Variants in ATG7 observed in about 807,000 individuals in gnomAD.
ATG7 encodes the protein ubiquitin-like modifier-activating enzyme ATG7.
Under a neutral mutation model 82.4 loss-of-function variants are expected in ATG7, and 70 were observed. The observed-to-expected ratio is 0.85, with a 90% CI of 0.70 to 1.04. ATG7 has a LOEUF of 1.04. Among genes scored for constraint, ATG7 ranks in the 50% least tolerant of loss-of-function variants. ATG7 has a pLI of 0.00. For missense variants in ATG7, 792 were observed against 864.3 expected (o/e 0.92, Z 1.05); for synonymous variants, 287 against 313.0 (o/e 0.92, Z 0.88).
At chr3:11,338,975 A>T (rs1953001977) in intron 11 of ATG7, among the ~76,000 whole-genome samples, 1 of 152,160 alleles carries the variant, frequency 6.6e-6, no homozygotes, top group South Asian at 2.1e-4. Context: ...CTTGATAGAA[A>T]TTCAAAAGTA....
chr3:11,350,694 C>T (rs2152795158), intron 14 of ATG7, among the ~76,000 whole-genome samples: 1 of 152,130 alleles, frequency 6.6e-6, no homozygotes. Flanking sequence ...TGACATTAGT[C>T]AATGTACTCT....
At chr3:11,450,734 G>A (rs930177144) in intron 20 of ATG7, among the ~76,000 whole-genome samples, 1 of 152,204 alleles carries the variant, frequency 6.6e-6, no homozygotes, top group Non-Finnish European at 1.5e-5. Flanking sequence ...AGCTGCACAT[G>A]GGCCCTGCTA....
intron 19 of ATG7, among the ~76,000 whole-genome samples, chr3:11,402,760 T>C (rs1313693244): frequency 1.3e-5 from 2 of 152,192 alleles, no homozygotes; most frequent in South Asian, 2.1e-4. Context: ...CAGTGGTCTT[T>C]TTATATTAAT....
At chr3:11,527,063 G>A (rs1271285162) in intron 20 of ATG7, among the ~76,000 whole-genome samples, 2 of 104,376 alleles carry the variant, frequency 1.9e-5, no homozygotes, top group Non-Finnish European at 3.8e-5. Flanking sequence ...GTGTGTGTGT[G>A]TGTGTGTGTA....
intron 20 of ATG7, among the ~76,000 whole-genome samples, chr3:11,545,986 A>C (rs1450609592): frequency 1.3e-5 from 2 of 151,976 alleles, no homozygotes. Context: ...AAAATATAAA[A>C]AATTAGCTGG....
chr3:11,378,367 C>T (rs1264032095), intron 18 of ATG7, among the ~76,000 whole-genome samples: 2 of 150,790 alleles, frequency 1.3e-5, no homozygotes, highest in African/African-American at 2.4e-5. Flanking sequence ...TAATGCAATC[C>T]GAGATCAAGT....
At chr3:11,475,527 G>A (rs971744072) in intron 20 of ATG7, among the ~76,000 whole-genome samples, 3 of 152,054 alleles carry the variant, frequency 2.0e-5, no homozygotes, top group Non-Finnish European at 2.9e-5. Flanking sequence ...ATCCCAGGGC[G>A]GCCTGCATGT....
In ATG7 at chr3:11,362,903, G is replaced by GT. The variant is rs2076371498; in HGVS notation, c.1775dup (p.Ser593IlefsTer17). ...AGGAGCCCTGGCCGTGGAATTGATG[G>GT]TATCTGTTTTGCAGCATCCAGAAGG... On this transcript the variant is annotated frameshift_variant, in exon 17 of 21. Coordinates refer to ENST00000693202, the MANE Select transcript of ATG7 (RefSeq NM_001349232.2). LOFTEE classifies it high-confidence loss of function. 6.2e-7 allele frequency: 1 copy of GT among 1,613,972 alleles called. No homozygotes were observed.
chr3:11,481,342 T>TA (rs1172215256), intron 20 of ATG7, among the ~76,000 whole-genome samples: 3 of 152,332 alleles, frequency 2.0e-5, no homozygotes, highest in South Asian at 2.1e-4. Context: ...TTTACGATGA[T>TA]AAAAAAATTT....
intron 19 of ATG7, among the ~76,000 whole-genome samples, chr3:11,401,132 C>A (rs1185763450): frequency 6.6e-6 from 1 of 152,166 alleles, no homozygotes; most frequent in East Asian, 1.9e-4. Flanking sequence ...CTCTCAGACC[C>A]CGCCCCAGAC....
chr3:11,305,832 ACTCTTTC>A (rs1331541996), intron 5 of ATG7, among the ~76,000 whole-genome samples: 1 of 151,948 alleles, frequency 6.6e-6, no homozygotes, highest in African/African-American at 2.4e-5. Flanking sequence ...TTAGATTTCT[ACTCTTTC>A]AGCCCCATAA....
At chr3:11,514,999 C>T (rs929953355) in intron 20 of ATG7, among the ~76,000 whole-genome samples, 1 of 151,884 alleles carries the variant, frequency 6.6e-6, no homozygotes, top group African/African-American at 2.4e-5. Flanking sequence ...CACCACCACA[C>T]CCAGCTAAAT....
intron 20 of ATG7, among the ~76,000 whole-genome samples, chr3:11,523,751 A>G (rs2092501820): frequency 1.3e-5 from 2 of 152,242 alleles, no homozygotes; most frequent in South Asian, 4.1e-4. Context: ...TAATTATACC[A>G]CACTTGATCT....
intron 20 of ATG7, among the ~76,000 whole-genome samples, chr3:11,455,008 C>G (rs919868085): frequency 6.6e-6 from 1 of 152,128 alleles, no homozygotes; most frequent in African/African-American, 2.4e-5. Flanking sequence ...GCCTGACTTA[C>G]TGATTTATAA....
At chr3:11,355,201 A>G (rs1351058792) in intron 14 of ATG7, among the ~76,000 whole-genome samples, 1 of 152,228 alleles carries the variant, frequency 6.6e-6, no homozygotes, top group Non-Finnish European at 1.5e-5. Flanking sequence ...CAGAGTTCAC[A>G]CGAGCTGGGA....
intron 5 of ATG7, among the ~76,000 whole-genome samples, chr3:11,303,704 CA>C (rs989592024): frequency 1.3e-5 from 2 of 151,132 alleles, no homozygotes; most frequent in African/African-American, 2.4e-5. Context: ...CTCTGGGCCT[CA>C]AATGATCAAC....
intron 9 of ATG7, among the ~76,000 whole-genome samples, chr3:11,323,524 C>A (rs1247279086): frequency 6.6e-6 from 1 of 152,230 alleles, no homozygotes; most frequent in East Asian, 1.9e-4. Flanking sequence ...CACCATCTTT[C>A]AGGCCAGTTC....
At chr3:11,364,081 A>G (rs1559474488) in intron 17 of ATG7, among the ~76,000 whole-genome samples, 1 of 152,204 alleles carries the variant, frequency 6.6e-6, no homozygotes, top group Non-Finnish European at 1.5e-5. Context: ...TAGTTTAAAC[A>G]CCAGGTCCTG....
At chr3:11,517,753 A>G (rs1316181665) in intron 20 of ATG7, among the ~76,000 whole-genome samples, 4 of 152,242 alleles carry the variant, frequency 2.6e-5, no homozygotes, top group Non-Finnish European at 2.9e-5. Flanking sequence ...AGGAGAAACC[A>G]TCTGTGACTT....
Sources: allele counts gnomAD v4.1 joint callset (sites outside exome capture counted in the v4.1 genomes callset), GRCh38; gene constraint gnomAD v4.1.1; transcripts MANE v1.5; gene names NCBI Gene and HGNC (gene_info 2026-07-23, HGNC 2026-07-21).